Variants in DNAH14 observed in about 807,000 individuals in gnomAD.
DNAH14 encodes dynein axonemal heavy chain 14, also known as axonemal beta dynein heavy chain 14.
In DNAH14, 478 loss-of-function variants were observed where a neutral mutation model predicts 520.9. The ratio of observed to expected loss-of-function variants is 0.92; its 90% CI spans 0.85 to 0.99. DNAH14 has a LOEUF of 0.99. Among genes scored for constraint, DNAH14 ranks in the 50% least tolerant of loss-of-function variants. DNAH14 has a pLI of 0.00. For synonymous variants in DNAH14, 1,581 were observed against 1,757.2 expected (o/e 0.90, Z 2.51); for missense variants, 4,831 against 5,234.5 (o/e 0.92, Z 2.38).
intron 23 of DNAH14, among the ~76,000 whole-genome samples, chr1:225,103,389 A>G (rs1359475540): frequency 6.6e-6 from 1 of 152,170 alleles, no homozygotes; most frequent in Non-Finnish European, 1.5e-5. Context: ...TTTTGGTTCC[A>G]TATGAACTTT....
intron 2 of DNAH14, chr1:224,954,527 G>A (rs2060385316): frequency 6.5e-6 from 1 of 153,092 alleles, no homozygotes; most frequent in South Asian, 2.1e-4. Flanking sequence ...GGCAACATAT[G>A]AGTATGAAAT....
At chr1:225,337,643 A>C (rs1421034102) in intron 67 of DNAH14, 147 bp downstream of exon 67, 1 of 659,334 alleles carries the variant, frequency 1.5e-6, no homozygotes, top group African/African-American at 1.8e-5. Flanking sequence ...ACAGACAGAG[A>C]GTGAGTTTTC....
At chr1:225,130,964 T>G (rs558798706) in intron 27 of DNAH14, among the ~76,000 whole-genome samples, 3 of 152,148 alleles carry the variant, frequency 2.0e-5, no homozygotes, top group African/African-American at 7.2e-5. Context: ...ATTTGGAAAA[T>G]AAATCATTAT....
chr1:225,005,671 G>T (rs2501128), intron 9 of DNAH14, among the ~76,000 whole-genome samples: 14,567 of 151,932 alleles, frequency 0.096, 2,251 homozygotes, highest in African/African-American at 0.33. Context: ...GTTGTGGGAA[G>T]ATACATTTAT....
chr1:225,377,406 C>A lies in DNAH14; in HGVS notation c.12686C>A (p.Pro4229Gln), dbSNP rs1484330794. ...KFIENLIAMQPKTTTANLMIR... is the reference protein window; with the variant it reads ...KFIENLIAMQQKTTTANLMIR... ...ATTGAAAATCTGATTGCCATGCAAC[C>A]AAAAACTACCACTGCCAACCTCATG... The change falls in exon 79 of 86, where the codon CCA becomes CAA. Residue 4229 changes from proline (P) to glutamine (Q), a missense_variant. Physicochemically the swap from Pro to Gln is moderately conservative, Grantham distance 76. Transcript: ENST00000682510. 6.5e-7 allele frequency: 1 copy of A among 1,549,910 alleles called. No individual in the cohort carries two copies. The highest frequency in any genetic ancestry group is 1.2e-5 in the South Asian group (1 of 83,790).
At chr1:225,248,942 T>A (rs2092427134) in intron 43 of DNAH14, among the ~76,000 whole-genome samples, 1 of 152,236 alleles carries the variant, frequency 6.6e-6, no homozygotes, top group Admixed American at 6.5e-5. Flanking sequence ...ACAACTCCAT[T>A]GCAGTTTGTT....
rs765256152 is a variant in DNAH14 at position 225,374,820 on chromosome 1, A to G, written c.12451A>G (p.Thr4151Ala). The change falls in exon 78 of 86, where the codon ACC becomes GCC. Residue 4151 changes from threonine (T) to alanine (A), a missense_variant. Coordinates refer to ENST00000682510, the MANE Select transcript of DNAH14 (RefSeq NM_001367479.1). Reference sequence around the variant, plus strand: ...TAATTGGGACAAGCGATGCTTGAAGACCCTACTCTACAAATTTTGTAATCC... The same window carrying G: ...TAATTGGGACAAGCGATGCTTGAAGGCCCTACTCTACAAATTTTGTAATCC... ...IDNWDKRCLKTLLYKFCNPEV... is the reference protein window; with the variant it reads ...IDNWDKRCLKALLYKFCNPEV... 12 of 1,551,458 alleles carry G rather than the reference A, an allele frequency of 7.7e-6. No individual in the cohort carries two copies. In the South Asian group the frequency reaches 1.3e-4, roughly 17 times the overall value.
rs2073010177 is a variant in DNAH14 at position 225,080,631 on chromosome 1, G to C, written c.3019G>C (p.Glu1007Gln). The change falls in exon 19 of 86, where the codon GAG becomes CAG. Residue 1007 changes from glutamate (E) to glutamine (Q), a missense_variant. Glu to Gln is a conservative substitution (Grantham distance 29). Coordinates refer to ENST00000682510, the MANE Select transcript of DNAH14 (RefSeq NM_001367479.1). ...TLRKKLWEAQ[E>Q]EWKRASWEWR... The stretch of plus-strand genomic sequence containing the variant: ...GAGGAAAAAACTATGGGAAGCACAA[G>C]AGGAGTGGAAGCGAGCCTCTTGGGA... 1.3e-6 allele frequency: 2 copies of C among 1,552,054 alleles called. No homozygotes were observed. The highest frequency in any genetic ancestry group is 1.2e-5 in the South Asian group (1 of 84,058).
chr1:224,957,462 A>G lies in DNAH14; in HGVS notation c.217+2364A>G, dbSNP rs368513472. Reference sequence around the variant, plus strand: ...AATCATGTGTGTGGATGTTTAAGCCATAGTCATGGATGAGATTGACCAGTG... The same window carrying G: ...AATCATGTGTGTGGATGTTTAAGCCGTAGTCATGGATGAGATTGACCAGTG... On this transcript the variant is annotated intron_variant, in intron 3 of 85. Transcript: ENST00000682510. Among the ~76,000 whole-genome samples, 15 of 152,250 alleles carry G rather than the reference A, an allele frequency of 9.9e-5. No homozygotes were observed. In the East Asian group the frequency reaches 2.7e-3, roughly 27 times the overall value.
intron 52 of DNAH14, among the ~76,000 whole-genome samples, chr1:225,274,109 C>T (rs1177325642): frequency 6.6e-6 from 1 of 151,930 alleles, no homozygotes; most frequent in Non-Finnish European, 1.5e-5. Flanking sequence ...AATCACCACA[C>T]TGTCTTCCAC....
intron 49 of DNAH14, among the ~76,000 whole-genome samples, chr1:225,267,218 G>T (rs1294497622): frequency 1.3e-5 from 2 of 150,120 alleles, no homozygotes; most frequent in African/African-American, 4.9e-5. Flanking sequence ...GAATATCACA[G>T]TCAAAAAAAA....
rs942678876 is a variant in DNAH14 at position 225,024,205 on chromosome 1, C to T, written c.1358+340C>T. ...TTTTTATTTGTTATATCTGGCAATTCTGTGCCTAAGTATACTCTGTCTTCC... is the reference window on the plus strand; with the variant it reads ...TTTTTATTTGTTATATCTGGCAATTTTGTGCCTAAGTATACTCTGTCTTCC... On this transcript the variant is annotated intron_variant, in intron 11 of 85. Coordinates refer to ENST00000682510, the MANE Select transcript of DNAH14 (RefSeq NM_001367479.1). The T allele has an allele frequency of 1.1e-5, 11 of 990,316 alleles. No individual in the cohort carries two copies. In the African/African-American group the frequency reaches 1.6e-4, roughly 14 times the overall value. 61.3% of individuals were successfully genotyped at this position (990,316 alleles called of 1,614,324 possible).
chr1:225,149,301 C>G (rs1279628130), intron 31 of DNAH14, among the ~76,000 whole-genome samples: 1 of 152,076 alleles, frequency 6.6e-6, no homozygotes, highest in Non-Finnish European at 1.5e-5. Flanking sequence ...TTTTTTGTAC[C>G]AGTACCATGC....
chr1:224,950,334 T>C (rs1377981270), intron 1 of DNAH14, among the ~76,000 whole-genome samples: 1 of 152,194 alleles, frequency 6.6e-6, no homozygotes, highest in Admixed American at 6.5e-5. Flanking sequence ...GTATTATGGG[T>C]GATATTTTTC....
At position 225,240,336 on chromosome 1, in the gene DNAH14, A is replaced by G. The variant is rs570713563; in HGVS notation, c.6519-257A>G. 2.7e-3 allele frequency among the ~76,000 whole-genome samples: 412 copies of G among 150,778 alleles called. 1 individual carries two copies. The highest frequency in any genetic ancestry group is 9.7e-3 in the African/African-American group (400 of 41,314). On this transcript the variant is annotated intron_variant, in intron 42 of 85. Coordinates refer to ENST00000682510, the MANE Select transcript of DNAH14 (RefSeq NM_001367479.1). The stretch of plus-strand genomic sequence containing the variant: ...GCATATATATGTTAAATAAAAACAT[A>G]TTAAAAGTATATTTGAAATAAAGTT...
At chr1:224,998,151 G>A (rs957420856) in intron 8 of DNAH14, among the ~76,000 whole-genome samples, 1 of 151,990 alleles carries the variant, frequency 6.6e-6, no homozygotes, top group Non-Finnish European at 1.5e-5. Flanking sequence ...TTTCATTCCT[G>A]TTCCTGATAC....
At chr1:225,128,666 T>G (rs2148932706) in intron 27 of DNAH14, among the ~76,000 whole-genome samples, 1 of 151,954 alleles carries the variant, frequency 6.6e-6, no homozygotes, top group East Asian at 1.9e-4. Context: ...GGGACGTATC[T>G]CAAAATAATA....
At chr1:224,975,693 A>C (rs2061778286) in intron 8 of DNAH14, among the ~76,000 whole-genome samples, 1 of 150,820 alleles carries the variant, frequency 6.6e-6, no homozygotes. Context: ...GGATTCATTA[A>C]TTTTTTGAAG....
At chr1:225,347,495 T>A (rs937125723) in intron 71 of DNAH14, among the ~76,000 whole-genome samples, 1 of 152,180 alleles carries the variant, frequency 6.6e-6, no homozygotes, top group Admixed American at 6.5e-5. Context: ...GAGTAGACAG[T>A]GCATCCAGTG....
Sources: allele counts gnomAD v4.1 joint callset (sites outside exome capture counted in the v4.1 genomes callset), GRCh38; gene constraint gnomAD v4.1.1; transcripts MANE v1.5; gene names NCBI Gene and HGNC (gene_info 2026-07-23, HGNC 2026-07-21).